PDE7B: variants seen among roughly 807,000 people sequenced by gnomAD.
PDE7B encodes 3',5'-cyclic-AMP phosphodiesterase 7B.
A neutral mutation model predicts 56.2 loss-of-function variants in PDE7B; 29 were observed. The ratio of observed to expected loss-of-function variants is 0.52; its 90% CI spans 0.38 to 0.70. The LOEUF (loss-of-function observed/expected upper bound fraction) is 0.70. PDE7B is among the 30% of genes least tolerant of loss of function. The probability of loss-of-function intolerance (pLI) is 0.00; values close to 1 mark genes in which losing one functional copy is unlikely to be tolerated. For missense variants in PDE7B, 490 were observed against 565.0 expected (o/e 0.87, Z 1.35); for synonymous variants, 197 against 196.9 (o/e 1.00, Z 0.00).
At chr6:136,005,382 C>A (rs1261610476) in intron 2 of PDE7B, among the ~76,000 whole-genome samples, 1 of 152,048 alleles carries the variant, frequency 6.6e-6, no homozygotes, top group Non-Finnish European at 1.5e-5. Context: ...AGAGCTTCTG[C>A]ACAGCAAAAG....
chr6:135,963,458 G>A (rs1583798478), intron 2 of PDE7B, among the ~76,000 whole-genome samples: 1 of 152,222 alleles, frequency 6.6e-6, no homozygotes, highest in East Asian at 1.9e-4. Flanking sequence ...CCTAATGTCT[G>A]CCTCAAATAT....
At chr6:136,096,511 A>C (rs1380683860) in intron 2 of PDE7B, among the ~76,000 whole-genome samples, 2 of 79,218 alleles carry the variant, frequency 2.5e-5, no homozygotes, top group African/African-American at 1.1e-4. Flanking sequence ...AGTGTTTTTC[A>C]TTGTACTTTT....
At position 136,155,710 on chromosome 6, in the gene PDE7B, C is replaced by T. The variant is rs1778592376; in HGVS notation, c.663C>T (p.Asn221=). Residue 221 remains asparagine, a synonymous_variant, in exon 8 of 13, where the codon AAC becomes AAT. Coordinates refer to ENST00000308191, the MANE Select transcript of PDE7B (RefSeq NM_018945.4). ...ACGATGTGGACCACCCAGGGGTGAA[C>T]CAGCCATTTTTGATAAAAACTAACC... ...AAHDVDHPGV[N]QPFLIKTNHH... 1 of 1,614,002 alleles carries T rather than the reference C, an allele frequency of 6.2e-7. No individual in the cohort carries two copies. Among genetic ancestry groups the T allele is most frequent in the Non-Finnish European group, 8.5e-7 (1 of 1,179,930 alleles).
At chr6:136,169,866 T>G (rs1778852214) in intron 8 of PDE7B, among the ~76,000 whole-genome samples, 1 of 152,146 alleles carries the variant, frequency 6.6e-6, no homozygotes, top group Non-Finnish European at 1.5e-5. Flanking sequence ...GTAACAAAAT[T>G]TCATTACTGC....
At chr6:136,144,451 C>T (rs1369374610) in intron 3 of PDE7B, among the ~76,000 whole-genome samples, 2 of 152,126 alleles carry the variant, frequency 1.3e-5, no homozygotes, top group African/African-American at 4.8e-5. Flanking sequence ...AATTATCAGA[C>T]ATTCAAATAA....
intron 1 of PDE7B, among the ~76,000 whole-genome samples, chr6:135,928,186 TG>T (rs1413591357): frequency 7.2e-5 from 11 of 151,840 alleles, no homozygotes; most frequent in Non-Finnish European, 1.5e-4. Flanking sequence ...TACACACTGC[TG>T]GTGGGAATGT....
At chr6:135,869,982 C>T (rs1428719157) in intron 1 of PDE7B, among the ~76,000 whole-genome samples, 1 of 152,148 alleles carries the variant, frequency 6.6e-6, no homozygotes. Context: ...ACTCTTCTCA[C>T]AGTAAATGAG....
intron 2 of PDE7B, among the ~76,000 whole-genome samples, chr6:136,033,608 C>A (rs1460968812): frequency 2.0e-5 from 3 of 152,178 alleles, no homozygotes; most frequent in Non-Finnish European, 2.9e-5. Flanking sequence ...CTTTCCTCAT[C>A]TCTCCCCACA....
At chr6:135,961,935 C>T (rs375228072) in intron 2 of PDE7B, among the ~76,000 whole-genome samples, 2 of 152,052 alleles carry the variant, frequency 1.3e-5, no homozygotes, top group African/African-American at 4.8e-5. Context: ...ATGGTAGATA[C>T]ATTTGTCTAT....
intron 2 of PDE7B, among the ~76,000 whole-genome samples, chr6:136,001,195 T>C (rs1775662724): frequency 6.6e-6 from 1 of 152,038 alleles, no homozygotes; most frequent in Admixed American, 6.5e-5. Flanking sequence ...CAAAAACCCA[T>C]CTGTACATCA....
intron 1 of PDE7B, among the ~76,000 whole-genome samples, chr6:135,930,598 T>G (rs533974831): frequency 5.3e-5 from 8 of 152,042 alleles, no homozygotes; most frequent in African/African-American, 1.9e-4. Flanking sequence ...GAAGTAGAAG[T>G]AAAAGGACTC....
At chr6:135,926,300 G>A (rs899591526) in intron 1 of PDE7B, among the ~76,000 whole-genome samples, 2 of 152,100 alleles carry the variant, frequency 1.3e-5, no homozygotes, top group Non-Finnish European at 2.9e-5. Flanking sequence ...TGTTAGCCAG[G>A]ATGGTCTCAA....
At chr6:135,944,641 G>C (rs1774562484) in intron 1 of PDE7B, among the ~76,000 whole-genome samples, 1 of 152,128 alleles carries the variant, frequency 6.6e-6, no homozygotes, top group Non-Finnish European at 1.5e-5. Flanking sequence ...AGTGAACCCA[G>C]GCAGGCCATG....
chr6:136,184,956 G>A (rs1377330205), intron 11 of PDE7B, among the ~76,000 whole-genome samples: 1 of 152,184 alleles, frequency 6.6e-6, no homozygotes, highest in African/African-American at 2.4e-5. Flanking sequence ...AGATGAGATG[G>A]AGGGTGAAGG....
At chr6:135,894,985 T>C (rs1775872529) in intron 1 of PDE7B, among the ~76,000 whole-genome samples, 1 of 152,088 alleles carries the variant, frequency 6.6e-6, no homozygotes, top group African/African-American at 2.4e-5. Context: ...GCCTTTATAT[T>C]AAATGTGCTA....
At chr6:135,986,761 T>C (rs193063370) in intron 2 of PDE7B, among the ~76,000 whole-genome samples, 1 of 152,344 alleles carries the variant, frequency 6.6e-6, no homozygotes, top group Admixed American at 6.5e-5. Context: ...AGAAAGGAGT[T>C]TTATGATTAG....
At chr6:135,868,931 T>G (rs1350795855) in intron 1 of PDE7B, among the ~76,000 whole-genome samples, 1 of 152,188 alleles carries the variant, frequency 6.6e-6, no homozygotes, top group Non-Finnish European at 1.5e-5. Context: ...CATCACATGA[T>G]TCTGTGTTTC....
chr6:136,019,272 C>T (rs1242401458), intron 2 of PDE7B, among the ~76,000 whole-genome samples: 1 of 151,722 alleles, frequency 6.6e-6, no homozygotes, highest in South Asian at 2.1e-4. Flanking sequence ...GCAAGAATTG[C>T]ATTATTTCAT....
chr6:136,151,252 T>C lies in PDE7B; in HGVS notation c.475T>C (p.Leu159=), dbSNP rs1158763072. ...KLDMVTLHRF[L]VMVQEDYHSQ... ...AGATATGGTGACCTTACACCGATTT[T>C]TAGGTAAGTCCTTTTTTTCACATTT... The change falls in exon 6 of 13, where the codon TTA becomes CTA. Residue 159 remains leucine, a synonymous_variant. Transcript: ENST00000308191. The C allele has an allele frequency of 3.2e-6, 5 of 1,540,438 alleles. No individual in the cohort carries two copies. The highest frequency in any genetic ancestry group is 4.5e-6 in the Non-Finnish European group (5 of 1,113,342).
Sources: gnomAD v4.1 joint callset for allele counts (sites outside exome capture counted in the v4.1 genomes callset) on GRCh38, gnomAD v4.1.1 for gene constraint, MANE v1.5 for transcripts, NCBI Gene and HGNC (gene_info 2026-07-23, HGNC 2026-07-21) for gene names.